Variants in LRRC28 observed in about 807,000 individuals in gnomAD.
LRRC28 encodes the protein leucine rich repeat containing 28, also known as leucine-rich repeat-containing protein 28.
Under a neutral mutation model 45.7 loss-of-function variants are expected in LRRC28, and 39 were observed. The observed-to-expected ratio is 0.85, with a 90% CI of 0.66 to 1.12. The LOEUF (loss-of-function observed/expected upper bound fraction) is 1.12. LRRC28 is among the 50% of genes most tolerant of loss of function. The pLI is 0.00. For missense variants in LRRC28, 435 were observed against 438.5 expected (o/e 0.99, Z 0.07); for synonymous variants, 206 against 178.8 (o/e 1.15, Z -1.22).
At chr15:99,275,659 C>T (rs2081598421) in intron 2 of LRRC28, among the ~76,000 whole-genome samples, 1 of 152,218 alleles carries the variant, frequency 6.6e-6, no homozygotes, top group African/African-American at 2.4e-5. Flanking sequence ...GGATTGGTTC[C>T]TTCTCAGGGC....
chr15:99,257,129 A>G (rs1278887484), intron 2 of LRRC28, among the ~76,000 whole-genome samples: 1 of 152,222 alleles, frequency 6.6e-6, no homozygotes, highest in Non-Finnish European at 1.5e-5. Context: ...AGAAAGCATT[A>G]TAAAATTAGT....
At position 99,313,986 on chromosome 15, in the gene LRRC28, A is replaced by G. The variant is rs545682840; in HGVS notation, c.386-19937A>G. On this transcript the variant is annotated intron_variant, in intron 5 of 9. Transcript: ENST00000301981. ...TTCTTGAATGAACAAACACTACTGAATTTATTTTCTGCCTTTGGTTGATTT... is the reference window on the plus strand; with the variant it reads ...TTCTTGAATGAACAAACACTACTGAGTTTATTTTCTGCCTTTGGTTGATTT... Among the ~76,000 whole-genome samples, 20 of 152,110 alleles carry G rather than the reference A, an allele frequency of 1.3e-4. No individual in the cohort carries two copies. The East Asian group carries it at 2.3e-3, about 18-fold the overall frequency.
At chr15:99,317,533 T>C (rs1236192305) in intron 5 of LRRC28, 1 of 152,246 alleles carries the variant, frequency 6.6e-6, no homozygotes, top group Non-Finnish European at 1.5e-5. Context: ...TTGAGATGTG[T>C]GTTGTTCCAT....
At position 99,352,378 on chromosome 15, in the gene LRRC28, G is replaced by C; in HGVS notation, c.602G>C (p.Arg201Pro). Residue 201 changes from arginine to proline, a missense_variant, in exon 7 of 10, where the codon CGA (arginine) becomes CCA (proline). By Grantham distance (103) the Arg-to-Pro change is moderately radical. Coordinates refer to ENST00000301981, the MANE Select transcript of LRRC28 (RefSeq NM_144598.5). ...RLAFLPLDLGRSRELQYVYVD... is the reference protein window; with the variant it reads ...RLAFLPLDLGPSRELQYVYVD... ...TTTCTTTCTAATCCAGATTTAGGTC[G>C]ATCTCGAGAACTACAGTATGTATAC... The C allele has an allele frequency of 6.2e-7, 1 of 1,612,156 alleles. No individual in the cohort carries two copies. Among genetic ancestry groups the C allele is most frequent in the Non-Finnish European group, 8.5e-7 (1 of 1,178,962 alleles).
intron 9 of LRRC28, among the ~76,000 whole-genome samples, chr15:99,378,500 C>T (rs1056505956): frequency 1.3e-5 from 2 of 152,194 alleles, no homozygotes; most frequent in Non-Finnish European, 2.9e-5. Flanking sequence ...GACAGTTTGA[C>T]TTCCTCTTTT....
chr15:99,379,954 C>T (rs536700738), intron 9 of LRRC28, among the ~76,000 whole-genome samples: 2 of 152,328 alleles, frequency 1.3e-5, no homozygotes, highest in East Asian at 3.9e-4. Context: ...GAATGCTTTA[C>T]TTCCAACTAT....
At chr15:99,307,862 G>A (rs1343405965) in intron 5 of LRRC28, among the ~76,000 whole-genome samples, 2 of 152,224 alleles carry the variant, frequency 1.3e-5, no homozygotes, top group African/African-American at 4.8e-5. Context: ...GGTCACTGTG[G>A]ATTCCATTCT....
intron 5 of LRRC28, among the ~76,000 whole-genome samples, chr15:99,290,193 A>C (rs2082082199): frequency 6.6e-6 from 1 of 151,122 alleles, no homozygotes; most frequent in Admixed American, 6.6e-5. Flanking sequence ...TGGGAGGCGG[A>C]GGTTGCAGTG....
At chr15:99,360,121 T>A (rs180711514) in intron 7 of LRRC28, among the ~76,000 whole-genome samples, 538 of 152,268 alleles carry the variant, frequency 3.5e-3, no homozygotes, top group African/African-American at 0.012. Flanking sequence ...ACCATCTAAC[T>A]TCAGCTAATA....
intron 5 of LRRC28, among the ~76,000 whole-genome samples, chr15:99,323,055 TC>T (rs1386405110): frequency 2.6e-5 from 4 of 152,226 alleles, no homozygotes; most frequent in Non-Finnish European, 5.9e-5. Context: ...CCTGCCAGTA[TC>T]TTTTTTTACT....
intron 5 of LRRC28, among the ~76,000 whole-genome samples, chr15:99,313,221 T>C (rs776079337): frequency 1.3e-5 from 2 of 152,058 alleles, no homozygotes; most frequent in African/African-American, 2.4e-5. Context: ...GATCAGTATA[T>C]TGGGAAGATA....
chr15:99,313,036 A>G (rs1191055799), intron 5 of LRRC28, among the ~76,000 whole-genome samples: 1 of 152,208 alleles, frequency 6.6e-6, no homozygotes, highest in East Asian at 1.9e-4. Context: ...ATATTTTGTC[A>G]GAAGAGGTAC....
At chr15:99,306,523 A>G (rs969074507) in intron 5 of LRRC28, among the ~76,000 whole-genome samples, 5 of 152,220 alleles carry the variant, frequency 3.3e-5, no homozygotes, top group African/African-American at 1.2e-4. Context: ...TTTTTTGTCA[A>G]CGTTTAAAAG....
At chr15:99,296,540 C>G (rs2082268096) in intron 5 of LRRC28, among the ~76,000 whole-genome samples, 1 of 152,206 alleles carries the variant, frequency 6.6e-6, no homozygotes, top group South Asian at 2.1e-4. Flanking sequence ...ACTTCTCTCA[C>G]TAAAAAAGAA....
Position 99,390,313 on chromosome 15 carries a change from T to A in LRRC28, c.*4211T>A, listed in dbSNP as rs1463955244. The A allele has an allele frequency of 6.6e-6, 1 of 152,258 alleles. No individual in the cohort carries two copies. The highest frequency in any genetic ancestry group is 1.9e-4 in the East Asian group (1 of 5,206). The allele number at this position is 152,258 out of a possible 1,614,324, so 9.4% of individuals were successfully genotyped here. ...TATGACTGTATGTGTGGTCCCCTTG[T>A]ACTTTGGAGACAGAAGGTACTGGCA... On this transcript the variant is annotated 3_prime_UTR_variant, in exon 10 of 10. Coordinates refer to ENST00000301981, the MANE Select transcript of LRRC28 (RefSeq NM_144598.5).
intron 2 of LRRC28, among the ~76,000 whole-genome samples, chr15:99,268,128 G>C (rs924681595): frequency 4.6e-5 from 7 of 152,008 alleles, no homozygotes; most frequent in Non-Finnish European, 1.0e-4. Flanking sequence ...CCTCTTCCTA[G>C]CCTAGCACCA....
At chr15:99,333,541 A>G in intron 5 of LRRC28, 1 of 204,584 alleles carries the variant, frequency 4.9e-6, no homozygotes, top group South Asian at 1.1e-4. Context: ...ATGGATGGTA[A>G]AATCACACAA....
At chr15:99,268,323 A>G (rs1288393820) in intron 2 of LRRC28, among the ~76,000 whole-genome samples, 1 of 152,154 alleles carries the variant, frequency 6.6e-6, no homozygotes, top group African/African-American at 2.4e-5. Flanking sequence ...AATGTAGGGA[A>G]CCTGACTTAG....
rs8042124 is a variant in LRRC28, at chr15:99,388,419, G to C, written c.*2317G>C. Reference sequence around the variant, plus strand: ...TCTTTCTCTACCTATTATGAACTACGGTGTGTTAAACAACAGCAGTGGGCT... The same window carrying C: ...TCTTTCTCTACCTATTATGAACTACCGTGTGTTAAACAACAGCAGTGGGCT... On this transcript the variant is annotated 3_prime_UTR_variant, in exon 10 of 10. Transcript: ENST00000301981. 2.6e-5 allele frequency: 4 copies of C among 152,108 alleles called. No individual in the cohort carries two copies. Among genetic ancestry groups the C allele is most frequent in the Non-Finnish European group, 5.9e-5 (4 of 68,024 alleles). The allele number at this position is 152,108 out of a possible 1,614,324, so 9.4% of individuals were successfully genotyped here. A position where few individuals can be genotyped will look rare whatever the true frequency, so the allele number is the denominator to read the frequency against.
Sources: allele counts gnomAD v4.1 joint callset (sites outside exome capture counted in the v4.1 genomes callset), GRCh38; gene constraint gnomAD v4.1.1; transcripts MANE v1.5; gene names NCBI Gene and HGNC (gene_info 2026-07-23, HGNC 2026-07-21).